The following SAMD3 variants were observed in gnomAD, a reference collection of about 807,000 sequenced individuals.
The protein encoded by SAMD3 is sterile alpha motif domain-containing protein 3.
SAMD3 carries 63 observed loss-of-function variants against 58.5 expected under a neutral mutation model. The observed-to-expected ratio is 1.08, with a 90% confidence interval of 0.88 to 1.33. SAMD3 has a LOEUF of 1.33. Ranked by LOEUF, SAMD3 falls within the 40% of genes most tolerant of loss-of-function variation. SAMD3 has a pLI of 0.00. For synonymous variants in SAMD3, 220 were observed against 210.3 expected (o/e 1.05, Z -0.40); for missense variants, 604 against 608.4 (o/e 0.99, Z 0.08).
chr6:130,322,976 G>C (rs1449553023), intron 1 of SAMD3, among the ~76,000 whole-genome samples: 1 of 152,100 alleles, frequency 6.6e-6, no homozygotes, highest in African/African-American at 2.4e-5. Context: ...AATAGAAAAT[G>C]TTCATGGAAT....
chr6:130,178,755 G>A (rs1413044212), intron 7 of SAMD3, among the ~76,000 whole-genome samples: 4 of 152,224 alleles, frequency 2.6e-5, no homozygotes, highest in African/African-American at 9.6e-5. Flanking sequence ...CCTTTTGGGA[G>A]AGTGAGTAGC....
intron 1 of SAMD3, among the ~76,000 whole-genome samples, chr6:130,222,288 C>T (rs1796256663): frequency 6.6e-6 from 1 of 152,114 alleles, no homozygotes; most frequent in Admixed American, 6.5e-5. Flanking sequence ...TAGCAATGGT[C>T]CGAATAGCAA....
intron 8 of SAMD3, among the ~76,000 whole-genome samples, chr6:130,165,937 C>T (rs1270821406): frequency 6.6e-6 from 1 of 152,094 alleles, no homozygotes; most frequent in Non-Finnish European, 1.5e-5. Context: ...GATCCAAGGT[C>T]CCGTGCCCCA....
chr6:130,364,885 AC>A (rs57615528), intron 1 of SAMD3, among the ~76,000 whole-genome samples: 1 of 44,494 alleles, frequency 2.2e-5, no homozygotes, highest in Non-Finnish European at 4.8e-5. Context: ...GCTCTCCCCC[AC>A]CCCCCAAACA....
Position 130,144,720 on chromosome 6 carries a change from T to A in SAMD3, c.1363A>T (p.Arg455Trp). 6.2e-7 allele frequency: 1 copy of A among 1,614,030 alleles called. No homozygotes were observed. Among genetic ancestry groups the A allele is most frequent in the Non-Finnish European group, 8.5e-7 (1 of 1,179,970 alleles). ...CEFSLYLERE[R>W]LTKVDDCVTA... The stretch of plus-strand genomic sequence containing the variant: ...ACACAGTCGTCCACCTTTGTGAGCC[T>A]CTCCCTTTCTAAATATAAAGAAAAT... The change falls in exon 12 of 12, where the codon AGG becomes TGG. Residue 455 changes from arginine (R) to tryptophan (W), a missense_variant. Transcript: ENST00000439090.
At position 130,219,286 on chromosome 6, in the gene SAMD3, T is replaced by C. The variant is rs565671891; in HGVS notation, c.-67-2670A>G. Among the ~76,000 whole-genome samples the C allele has an allele frequency of 2.2e-4, 34 of 152,282 alleles. No individual in the cohort carries two copies. The South Asian group carries it at 6.8e-3, about 31-fold the overall frequency. ...AAGGGGCTGTCTCTATACGTTATGCTAAACGATATGAAACAGCCATTTTTT... is the reference window on the plus strand; with the variant it reads ...AAGGGGCTGTCTCTATACGTTATGCCAAACGATATGAAACAGCCATTTTTT... On this transcript the variant is annotated intron_variant, in intron 1 of 11. Transcript: ENST00000439090.
intron 3 of SAMD3, among the ~76,000 whole-genome samples, chr6:130,214,845 T>C (rs184500445): frequency 2.6e-5 from 4 of 152,346 alleles, no homozygotes; most frequent in African/African-American, 9.6e-5. Flanking sequence ...TTCTTCGTAA[T>C]AGCTCCTAGC....
chr6:130,317,695 T>C (rs1287150360), intron 1 of SAMD3, among the ~76,000 whole-genome samples: 1 of 152,180 alleles, frequency 6.6e-6, no homozygotes, highest in East Asian at 1.9e-4. Flanking sequence ...CAGGATTTAT[T>C]CCCCACTGGA....
intron 1 of SAMD3, among the ~76,000 whole-genome samples, chr6:130,340,944 T>C (rs934869548): frequency 1.3e-5 from 2 of 152,218 alleles, no homozygotes; most frequent in Non-Finnish European, 1.5e-5. Flanking sequence ...CAGGCCTCAG[T>C]TGGGGTGTGT....
At chr6:130,285,796 G>C (rs991749768) in intron 2 of SAMD3, among the ~76,000 whole-genome samples, 1 of 152,222 alleles carries the variant, frequency 6.6e-6, no homozygotes, top group Admixed American at 6.5e-5. Context: ...AATGGCACTA[G>C]TGTTTCACTG....
chr6:130,339,828 A>G (rs750340904), intron 1 of SAMD3, among the ~76,000 whole-genome samples: 1 of 152,198 alleles, frequency 6.6e-6, no homozygotes, highest in Non-Finnish European at 1.5e-5. Context: ...AAATATCAGT[A>G]GTAGTGTGAT....
intron 2 of SAMD3, among the ~76,000 whole-genome samples, chr6:130,263,605 C>A (rs115657361): frequency 0.021 from 3,156 of 152,278 alleles, 114 homozygotes; most frequent in African/African-American, 0.071. Flanking sequence ...GTTTCATCTA[C>A]GCTATTACTC....
At chr6:130,294,464 T>C (rs1296824844) in intron 2 of SAMD3, among the ~76,000 whole-genome samples, 1 of 152,350 alleles carries the variant, frequency 6.6e-6, no homozygotes, top group African/African-American at 2.4e-5. Flanking sequence ...TGAAGTTCTT[T>C]AGACTCTTCA....
Position 130,357,350 on chromosome 6 carries a change from T to A in SAMD3, c.-304+7770A>T, listed in dbSNP as rs2115042567. Among the ~76,000 whole-genome samples, 3 of 152,168 alleles carry A rather than the reference T, an allele frequency of 2.0e-5. No homozygotes were observed. The Middle Eastern group carries it at 0.01, about 521-fold the overall frequency. On this transcript the variant is annotated intron_variant, in intron 1 of 13. Transcript: ENST00000368134. ...CGTGTTAGCCAGGATGGTCTTGATC[T>A]CCTGACCTCATGATCTGCCCGCCTC...
chr6:130,201,381 A>G (rs1306994505), intron 5 of SAMD3, among the ~76,000 whole-genome samples: 4 of 152,206 alleles, frequency 2.6e-5, no homozygotes, highest in Admixed American at 2.0e-4. Flanking sequence ...TTATTCATCT[A>G]ATCCTTTGTT....
chr6:130,285,803 A>G (rs1775135960), intron 2 of SAMD3, among the ~76,000 whole-genome samples: 1 of 152,208 alleles, frequency 6.6e-6, no homozygotes, highest in Non-Finnish European at 1.5e-5. Flanking sequence ...CTAGTGTTTC[A>G]CTGGGGTTGC....
At chr6:130,346,604 A>G (rs1429536672) in intron 1 of SAMD3, among the ~76,000 whole-genome samples, 1 of 152,234 alleles carries the variant, frequency 6.6e-6, no homozygotes, top group Non-Finnish European at 1.5e-5. Context: ...GGTGGAGCCC[A>G]CCACAGCCCA....
At chr6:130,291,556 C>T (rs1374819887) in intron 2 of SAMD3, among the ~76,000 whole-genome samples, 1 of 152,196 alleles carries the variant, frequency 6.6e-6, no homozygotes, top group Admixed American at 6.5e-5. Context: ...TTATTAATAT[C>T]ATGTGAAGTT....
At chr6:130,211,919 G>A (rs1795606639) in intron 4 of SAMD3, among the ~76,000 whole-genome samples, 1 of 149,548 alleles carries the variant, frequency 6.7e-6, no homozygotes, top group Admixed American at 6.7e-5. Flanking sequence ...GATCTAGAAT[G>A]CCATCACAGA....
Sources: allele counts gnomAD v4.1 joint callset (sites outside exome capture counted in the v4.1 genomes callset), GRCh38; gene constraint gnomAD v4.1.1; transcripts MANE v1.5; gene names NCBI Gene and HGNC (gene_info 2026-07-23, HGNC 2026-07-21).